CMTM4: variants seen among roughly 807,000 people sequenced by gnomAD.
CMTM4 encodes CKLF-like MARVEL transmembrane domain-containing protein 4.
A neutral mutation model predicts 19.0 loss-of-function variants in CMTM4; 8 were observed. The observed-to-expected ratio is 0.42, with a 90% CI of 0.25 to 0.76. CMTM4 has a LOEUF of 0.76. Ranked by LOEUF, CMTM4 falls within the 30% of genes least tolerant of loss-of-function variation. The probability of loss-of-function intolerance (pLI) is 0.27; values close to 1 mark genes in which losing one functional copy is unlikely to be tolerated. For missense variants in CMTM4, 228 were observed against 290.2 expected (o/e 0.79, Z 1.56); for synonymous variants, 106 against 121.1 (o/e 0.88, Z 0.82).
In CMTM4 at chr16:66,620,308, C is replaced by A. The variant is rs1032611127; in HGVS notation, c.*1750G>T. The A allele has an allele frequency of 5.1e-6, 5 of 985,344 alleles. No individual in the cohort carries two copies. In the Admixed American group the frequency reaches 3.1e-4, roughly 61 times the overall value. The allele number at this position is 985,344 out of a possible 1,614,324, so 61.0% of individuals were successfully genotyped here. A position where few individuals can be genotyped will look rare whatever the true frequency, so the allele number is the denominator to read the frequency against. ...GGCAGCACACCCAGCTGTGAGCTGG[C>A]CTGGCTGCCCTCTCTGTGGGAGCAG... On this transcript the variant is annotated 3_prime_UTR_variant, in exon 4 of 4. Coordinates refer to ENST00000394106, the MANE Select transcript of CMTM4 (RefSeq NM_181521.3).
intron 2 of CMTM4, among the ~76,000 whole-genome samples, chr16:66,627,048 A>G (rs1042241163): frequency 2.6e-5 from 4 of 152,190 alleles, no homozygotes; most frequent in Non-Finnish European, 4.4e-5. Context: ...GGCTGCAGTG[A>G]GCGGAGACTG....
rs1162324852 is a variant in CMTM4, at chr16:66,617,081, T to C, written c.*4977A>G. ...CTCCTAAACTCAAACTTTAAAAGTT[T>C]CAATAGCTCCCTGGGGGTCCAAGCC... On this transcript the variant is annotated 3_prime_UTR_variant, in exon 4 of 4. Coordinates refer to ENST00000394106, the MANE Select transcript of CMTM4 (RefSeq NM_181521.3). 4 of 486,666 alleles carry C rather than the reference T, an allele frequency of 8.2e-6. No homozygotes were observed. Among genetic ancestry groups the C allele is most frequent in the Non-Finnish European group, 1.4e-5 (4 of 278,300 alleles). The allele number at this position is 486,666 out of a possible 1,614,324, so 30.1% of individuals were successfully genotyped here.
chr16:66,681,797 A>T (rs1450683768), intron 1 of CMTM4, among the ~76,000 whole-genome samples: 1 of 152,110 alleles, frequency 6.6e-6, no homozygotes, highest in Non-Finnish European at 1.5e-5. Context: ...CCCATTTGTC[A>T]AATCACTTGC....
At chr16:66,628,174 T>C (rs2015781091) in intron 2 of CMTM4, among the ~76,000 whole-genome samples, 2 of 152,230 alleles carry the variant, frequency 1.3e-5, no homozygotes. Context: ...TATCTCAGAA[T>C]TGAACAAATG....
intron 1 of CMTM4, among the ~76,000 whole-genome samples, chr16:66,644,044 G>A (rs573209730): frequency 1.2e-4 from 18 of 152,136 alleles, no homozygotes; most frequent in Non-Finnish European, 2.1e-4. Context: ...GTGAGCCACC[G>A]CCCCCGGCCA....
At chr16:66,609,520 A>C in the CMTM4 span, 1 of 1,602,028 alleles carries the variant, frequency 6.2e-7, no homozygotes, top group Non-Finnish European at 8.5e-7. The surrounding 1 kb of genome is among the most constrained non-coding windows in gnomAD (Gnocchi z 4.4). Context: ...GGGGCTTCCA[A>C]AGCCGCTGGG....
Position 66,616,375 on chromosome 16 carries a change from G to C in CMTM4, c.*5683C>G, listed in dbSNP as rs1352912322. 1 of 152,160 alleles carries C rather than the reference G, an allele frequency of 6.6e-6. No homozygotes were observed. The highest frequency in any genetic ancestry group is 1.5e-5 in the Non-Finnish European group (1 of 68,034). 9.4% of individuals were successfully genotyped at this position (152,160 alleles called of 1,614,324 possible). ...CTACAAATTTCAACATATACAAATA[G>C]TTTCAATTCCTACCATTCTCTTAGA... On this transcript the variant is annotated 3_prime_UTR_variant, in exon 4 of 4. Coordinates refer to ENST00000394106, the MANE Select transcript of CMTM4 (RefSeq NM_181521.3).
At chr16:66,683,161 G>GTATATA (rs201948614) in intron 1 of CMTM4, among the ~76,000 whole-genome samples, 1 of 81,490 alleles carries the variant, frequency 1.2e-5, no homozygotes, top group Non-Finnish European at 2.4e-5. Context: ...ATATATATAC[G>GTATATA]TATATATATA....
chr16:66,632,820 C>T (rs1204358367), intron 2 of CMTM4, among the ~76,000 whole-genome samples: 8 of 152,030 alleles, frequency 5.3e-5, no homozygotes, highest in Non-Finnish European at 1.0e-4. Flanking sequence ...CGGTGGGTCA[C>T]GCCTGTAATC....
chr16:66,695,025 C>T (rs2017205404), intron 1 of CMTM4, among the ~76,000 whole-genome samples: 1 of 152,100 alleles, frequency 6.6e-6, no homozygotes, highest in Admixed American at 6.6e-5. Context: ...ATATTATTCC[C>T]AAGGAATGCT....
chr16:66,690,319 C>T (rs1461913331), intron 1 of CMTM4, among the ~76,000 whole-genome samples: 1 of 152,210 alleles, frequency 6.6e-6, no homozygotes, highest in Admixed American at 6.5e-5. Flanking sequence ...GTGTGTCTGC[C>T]TGGTCATTTG....
chr16:66,642,386 T>C (rs2016111398), intron 1 of CMTM4, among the ~76,000 whole-genome samples: 1 of 152,200 alleles, frequency 6.6e-6, no homozygotes, highest in African/African-American at 2.4e-5. Flanking sequence ...AGGTGGCAAC[T>C]ACAAACTGAC....
At chr16:66,614,510 C>T (rs2015489346), downstream of CMTM4, among the ~76,000 whole-genome samples, 3 of 152,208 alleles carry the variant, frequency 2.0e-5, no homozygotes, top group South Asian at 6.2e-4. This position sits in a 1 kb window ranked among gnomAD's most constrained non-coding sequence, Gnocchi z 4.9. Flanking sequence ...CTGTCACACA[C>T]CACATGTGCT....
chr16:66,612,689 G>A (rs78308771), downstream of CMTM4: 359 of 1,581,436 alleles, frequency 2.3e-4, no homozygotes, highest in African/African-American at 3.9e-3. The surrounding 1 kb of genome is among the most constrained non-coding windows in gnomAD (Gnocchi z 6.0). Context: ...CCACCCCTGC[G>A]CCTCACAGGG....
At chr16:66,661,613 T>A (rs2016500205) in intron 1 of CMTM4, among the ~76,000 whole-genome samples, 1 of 152,148 alleles carries the variant, frequency 6.6e-6, no homozygotes, top group African/African-American at 2.4e-5. Flanking sequence ...GCCAGGAATA[T>A]CCCAGAGTAA....
At chr16:66,692,508 C>A (rs1164282465) in intron 1 of CMTM4, among the ~76,000 whole-genome samples, 2 of 152,242 alleles carry the variant, frequency 1.3e-5, no homozygotes, top group Non-Finnish European at 2.9e-5. Flanking sequence ...GCCACTGATT[C>A]TGCATTTCTA....
At chr16:66,679,064 G>A (rs780438721) in intron 1 of CMTM4, among the ~76,000 whole-genome samples, 3 of 150,066 alleles carry the variant, frequency 2.0e-5, no homozygotes, top group African/African-American at 4.9e-5. Context: ...ATGCCACTGC[G>A]CTCCAGCCTG....
At chr16:66,683,715 A>G (rs2016983825) in intron 1 of CMTM4, among the ~76,000 whole-genome samples, 1 of 151,872 alleles carries the variant, frequency 6.6e-6, no homozygotes, top group South Asian at 2.1e-4. Flanking sequence ...CTGACCTTCC[A>G]GCTGGATGGT....
At chr16:66,664,970 G>C (rs949439968) in intron 1 of CMTM4, among the ~76,000 whole-genome samples, 2 of 151,846 alleles carry the variant, frequency 1.3e-5, no homozygotes, top group African/African-American at 4.8e-5. Flanking sequence ...TTCTCCGAGA[G>C]AGAGTCTCCC....
Sources: gnomAD v4.1 joint callset for allele counts (sites outside exome capture counted in the v4.1 genomes callset) on GRCh38, gnomAD v4.1.1 for gene constraint, Gnocchi (gnomAD v3.1) non-coding constraint, MANE v1.5 for transcripts, NCBI Gene and HGNC (gene_info 2026-07-23, HGNC 2026-07-21) for gene names.